Variants in KIF2C observed in about 807,000 individuals in gnomAD.
The protein encoded by KIF2C is kinesin-like protein KIF2C.
Under a neutral mutation model 97.4 loss-of-function variants are expected in KIF2C, and 34 were observed. The observed-to-expected ratio is 0.35, with a 90% confidence interval of 0.27 to 0.46. The LOEUF is 0.46. Ranked by LOEUF, KIF2C falls within the 20% of genes least tolerant of loss-of-function variation. The pLI, the probability that KIF2C is intolerant of heterozygous loss-of-function variation, is 1.00. For synonymous variants in KIF2C, 313 were observed against 318.2 expected (o/e 0.98, Z 0.17); for missense variants, 750 against 907.6 (o/e 0.83, Z 2.23).
In KIF2C at chr1:44,757,924, T is replaced by C; in HGVS notation, c.1085T>C (p.Leu362Pro). The C allele has an allele frequency of 6.2e-7, 1 of 1,614,174 alleles. No homozygotes were observed. Among genetic ancestry groups the C allele is most frequent in the Non-Finnish European group, 8.5e-7 (1 of 1,180,022 alleles). Reference protein sequence around the residue: ...SGKTHTMGGDLSGKAQNASKG... With the variant: ...SGKTHTMGGDPSGKAQNASKG... ...CCTTTGCAGACTATGGGCGGAGACC[T>C]CTCTGGGAAAGCCCAGAATGCATCC... is the stretch of plus-strand genomic sequence containing the variant. Residue 362 changes from leucine to proline, a missense_variant, in exon 12 of 21, where the codon CTC (leucine) becomes CCC (proline). Coordinates refer to ENST00000372224, the MANE Select transcript of KIF2C (RefSeq NM_006845.4).
At position 44,747,387 on chromosome 1, in the gene KIF2C, G is replaced by A. The variant is rs780300675; in HGVS notation, c.169G>A (p.Asp57Asn). ...AACTTTTACTTGCTCCTTGCAGATT[G>A]ATTTTGATGATGTGGCTGCAATAAA... ...EGGATKGKEI[D>N]FDDVAAINPE... Residue 57 changes from aspartate to asparagine, a missense_variant, in exon 3 of 21, where the codon GAT becomes AAT. Physicochemically the swap from Asp to Asn is conservative, Grantham distance 23. Coordinates refer to ENST00000372224, the MANE Select transcript of KIF2C (RefSeq NM_006845.4). 8 of 1,608,928 alleles carry A rather than the reference G, an allele frequency of 5.0e-6. No individual in the cohort carries two copies. In the Admixed American group the frequency reaches 8.5e-5, roughly 17 times the overall value.
At position 44,753,782 on chromosome 1, in the gene KIF2C, G is replaced by A. The variant is rs951708749; in HGVS notation, c.612G>A (p.Lys204=). 5.6e-5 allele frequency: 91 copies of A among 1,612,438 alleles called. No homozygotes were observed. Among genetic ancestry groups the A allele is most frequent in the Non-Finnish European group, 7.5e-5 (89 of 1,179,488 alleles). ...LVKEVEKMKN[K]REEKKAQNSE... ...AGGAAGTGGAAAAAATGAAGAACAAGCGAGAAGAGAAGAAGGCCCAGAACT... is the reference window on the plus strand; with the variant it reads ...AGGAAGTGGAAAAAATGAAGAACAAACGAGAAGAGAAGAAGGCCCAGAACT... The change falls in exon 7 of 21, where the codon AAG becomes AAA. Residue 204 remains lysine, a synonymous_variant. Coordinates refer to ENST00000372224, the MANE Select transcript of KIF2C (RefSeq NM_006845.4).
Position 44,760,355 on chromosome 1 carries a change from A to G in KIF2C, c.1443A>G (p.Lys481=). The change falls in exon 15 of 21, where the codon AAA becomes AAG. Residue 481 remains lysine (K), a synonymous_variant. Transcript: ENST00000372224. This position sits in a 1 kb window ranked among gnomAD's most constrained non-coding sequence, Gnocchi z 4.2. ...HACFQIILRA[K]GRMHGKFSLV... is the part of the protein sequence containing the mutation. ...GCTTCCAAATTATTCTTCGAGCTAA[A>G]GGGAGAATGCATGGCAAGTTCTCTT... is the stretch of plus-strand genomic sequence containing the variant. 6.2e-7 allele frequency: 1 copy of G among 1,614,250 alleles called. No homozygotes were observed. Among genetic ancestry groups the G allele is most frequent in the African/African-American group, 1.3e-5 (1 of 75,082 alleles).
intron 2 of KIF2C, among the ~76,000 whole-genome samples, chr1:44,742,230 C>T (rs56186529): frequency 6.6e-6 from 1 of 151,612 alleles, no homozygotes; most frequent in Non-Finnish European, 1.5e-5. Flanking sequence ...CTGCCTCAGC[C>T]TCCCGAGTAA....
At chr1:44,753,433 A>G (rs1649635738) in intron 6 of KIF2C, among the ~76,000 whole-genome samples, 179 bp downstream of exon 6, 1 of 152,218 alleles carries the variant, frequency 6.6e-6, no homozygotes, top group Non-Finnish European at 1.5e-5. Flanking sequence ...GAACTGTTTC[A>G]CTTCTGTGGT....
In KIF2C at chr1:44,760,533, ATGGG is replaced by A. The variant is rs1214409618; in HGVS notation, c.1572+50_1572+53del. The A allele has an allele frequency of 6.2e-7, 1 of 1,611,448 alleles. No homozygotes were observed. Among genetic ancestry groups the A allele is most frequent in the Non-Finnish European group, 8.5e-7 (1 of 1,178,358 alleles). ...TGGCCGGGAGAGCTACTGGGAAGGGATGGGGAGGGATCAGTGCAAGGAAAGAAGG... is the reference window on the plus strand; with the variant it reads ...TGGCCGGGAGAGCTACTGGGAAGGGAGAGGGATCAGTGCAAGGAAAGAAGG... On this transcript the variant is annotated intron_variant, in intron 15 of 20. Coordinates refer to ENST00000372224, the MANE Select transcript of KIF2C (RefSeq NM_006845.4). This position sits in a 1 kb window ranked among gnomAD's most constrained non-coding sequence, Gnocchi z 4.2.
chr1:44,754,432 G>A (rs1208917275), intron 7 of KIF2C, among the ~76,000 whole-genome samples: 3 of 152,104 alleles, frequency 2.0e-5, no homozygotes, highest in Non-Finnish European at 4.4e-5. Context: ...CCCCCAAGTT[G>A]TACGTATTTG....
chr1:44,754,687 A>C (rs575631893), intron 7 of KIF2C, 63 bp from the exon 8 acceptor site: 1 of 935,224 alleles, frequency 1.1e-6, no homozygotes, highest in East Asian at 2.4e-5. Flanking sequence ...CTGCTGCCGC[A>C]TAGGGGTCTG....
intron 14 of KIF2C, among the ~76,000 whole-genome samples, chr1:44,759,707 A>G (rs71653926): frequency 6.6e-6 from 1 of 152,118 alleles, no homozygotes; most frequent in African/African-American, 2.4e-5. Context: ...AAAAATAAAA[A>G]CAAGTCAAAG....
In KIF2C at chr1:44,750,452, C is replaced by A; in HGVS notation, c.327C>A (p.Ser109Arg). 6.7e-7 allele frequency: 1 copy of A among 1,484,464 alleles called. No homozygotes were observed. The highest frequency in any genetic ancestry group is 1.4e-5 in the South Asian group (1 of 71,906). 92.0% of individuals were successfully genotyped at this position (1,484,464 alleles called of 1,614,324 possible). ...CTCTCGGTTCTCCAGGTCTTCGAAGCCGCTCCACTCGCATGTCCACTGTCT... is the reference window on the plus strand; with the variant it reads ...CTCTCGGTTCTCCAGGTCTTCGAAGACGCTCCACTCGCATGTCCACTGTCT... ...KIPAPKESLR[S>R]RSTRMSTVSE... The change falls in exon 5 of 21, where the codon AGC (serine) becomes AGA (arginine). Residue 109 changes from serine (S) to arginine (R), a missense_variant. Coordinates refer to ENST00000372224, the MANE Select transcript of KIF2C (RefSeq NM_006845.4).
At chr1:44,751,994 G>A (rs1342042394) in intron 5 of KIF2C, among the ~76,000 whole-genome samples, 1 of 150,476 alleles carries the variant, frequency 6.6e-6, no homozygotes, top group Non-Finnish European at 1.5e-5. Flanking sequence ...GCTAATTTTT[G>A]TATTTTTAGT....
chr1:44,750,441 G>T lies in KIF2C; in HGVS notation c.317-1G>T. 6.8e-7 allele frequency: 1 copy of T among 1,467,742 alleles called. No individual in the cohort carries two copies. Among genetic ancestry groups the T allele is most frequent in the South Asian group, 1.5e-5 (1 of 68,718 alleles). 90.9% of individuals were successfully genotyped at this position (1,467,742 alleles called of 1,614,324 possible). On this transcript the variant is annotated splice_acceptor_variant, in intron 4 of 20. Coordinates refer to ENST00000372224, the MANE Select transcript of KIF2C (RefSeq NM_006845.4). LOFTEE classifies it high-confidence loss of function. The stretch of plus-strand genomic sequence containing the variant: ...ACTGGCTACTGCTCTCGGTTCTCCA[G>T]GTCTTCGAAGCCGCTCCACTCGCAT...
intron 1 of KIF2C, 182 bp downstream of exon 1, chr1:44,740,184 C>T (rs919905609): frequency 2.8e-6 from 2 of 722,298 alleles, no homozygotes; most frequent in Non-Finnish European, 4.9e-6. Flanking sequence ...GTGAGAGTCC[C>T]TGCGCTGTAC....
At position 44,767,490 on chromosome 1, in the gene KIF2C, G is replaced by A. The variant is rs928087209; in HGVS notation, c.*311G>A. The A allele has an allele frequency of 9.5e-5, 28 of 295,186 alleles. No homozygotes were observed. The highest frequency in any genetic ancestry group is 1.6e-4 in the Non-Finnish European group (24 of 151,256). The allele number at this position is 295,186 out of a possible 1,614,324, so 18.3% of individuals were successfully genotyped here. A position where few individuals can be genotyped will look rare whatever the true frequency, so the allele number is the denominator to read the frequency against. ...GCTTTCTCCGCAGCATCCTGCCTGC[G>A]TGGACTGGCTGCTAATGGAGAGCTC... On this transcript the variant is annotated 3_prime_UTR_variant, in exon 21 of 21. Transcript: ENST00000372224.
At chr1:44,754,419 C>T (rs1045036425) in intron 7 of KIF2C, among the ~76,000 whole-genome samples, 7 of 152,162 alleles carry the variant, frequency 4.6e-5, no homozygotes, top group Non-Finnish European at 4.4e-5. Flanking sequence ...TCTCTCCTAT[C>T]CTCCCCCAAG....
chr1:44,748,604 G>A (rs773815572), intron 4 of KIF2C, among the ~76,000 whole-genome samples: 4 of 152,064 alleles, frequency 2.6e-5, no homozygotes, highest in Non-Finnish European at 4.4e-5. Context: ...ACCATGATAT[G>A]ATCGTAGCTC....
intron 1 of KIF2C, 151 bp downstream of exon 1, chr1:44,740,153 G>T (rs963284024): frequency 2.2e-5 from 20 of 917,666 alleles, no homozygotes; most frequent in Non-Finnish European, 3.4e-5. Context: ...TGCACTGGCA[G>T]TCATTCTTGC....
chr1:44,761,465 A>G (rs1003738801), intron 16 of KIF2C, among the ~76,000 whole-genome samples: 3 of 152,066 alleles, frequency 2.0e-5, no homozygotes, highest in Non-Finnish European at 4.4e-5. Context: ...AAAATTAGCC[A>G]GGTGTGGTGG....
chr1:44,760,971 AG>A lies in KIF2C; in HGVS notation c.1683+274del, dbSNP rs1650109023. 2.6e-6 allele frequency: 1 copy of A among 383,620 alleles called. No homozygotes were observed. Among genetic ancestry groups the A allele is most frequent in the African/African-American group, 2.0e-5 (1 of 48,822 alleles). The allele number at this position is 383,620 out of a possible 1,614,324, so 23.8% of individuals were successfully genotyped here. ...GTCATTCCTGCATTACCTGATGAAA[AG>A]GGGGTTCCAGAATTCGGAAGATGGG... On this transcript the variant is annotated intron_variant, in intron 16 of 20. Coordinates refer to ENST00000372224, the MANE Select transcript of KIF2C (RefSeq NM_006845.4). This position sits in a 1 kb window ranked among gnomAD's most constrained non-coding sequence, Gnocchi z 4.2.
Sources: gnomAD v4.1 joint callset for allele counts (sites outside exome capture counted in the v4.1 genomes callset) on GRCh38, gnomAD v4.1.1 for gene constraint, Gnocchi (gnomAD v3.1) non-coding constraint, MANE v1.5 for transcripts, NCBI Gene and HGNC (gene_info 2026-07-23, HGNC 2026-07-21) for gene names.